FRK: variants seen among roughly 807,000 people sequenced by gnomAD.
FRK encodes tyrosine-protein kinase FRK.
Under a neutral mutation model 56.4 loss-of-function variants are expected in FRK, and 51 were observed. The ratio of observed to expected loss-of-function variants is 0.90; its 90% CI spans 0.72 to 1.14. The LOEUF is 1.14. Ranked by LOEUF, FRK falls within the 50% of genes most tolerant of loss-of-function variation. The pLI, the probability that FRK is intolerant of heterozygous loss-of-function variation, is 0.00. For missense variants in FRK, 570 were observed against 601.4 expected, an observed-to-expected ratio of 0.95 and a Z score of 0.55; for synonymous variants, 245 against 217.9, an observed-to-expected ratio of 1.12 and a Z score of -1.10.
intron 2 of FRK, among the ~76,000 whole-genome samples, chr6:115,995,077 G>A (rs1257863873): frequency 1.3e-5 from 2 of 152,126 alleles, no homozygotes; most frequent in Admixed American, 1.3e-4. Flanking sequence ...CTGATGCGTA[G>A]GTCAAAATCT....
At chr6:116,044,026 C>T (rs1032088096) in intron 1 of FRK, among the ~76,000 whole-genome samples, 10 of 152,144 alleles carry the variant, frequency 6.6e-5, no homozygotes, top group South Asian at 4.1e-4. Context: ...CCTCCCAAGT[C>T]GAAACCAGAA....
At chr6:116,026,882 G>A (rs1438643821) in intron 1 of FRK, among the ~76,000 whole-genome samples, 1 of 152,138 alleles carries the variant, frequency 6.6e-6, no homozygotes, top group African/African-American at 2.4e-5. Context: ...GAATAGTGGA[G>A]AAAGATGTGT....
At chr6:116,070,501 C>T in the FRK span, among the ~76,000 whole-genome samples, 4 of 152,076 alleles carry the variant, frequency 2.6e-5, no homozygotes, top group African/African-American at 9.7e-5. Flanking sequence ...ATTATGATGT[C>T]CACAAATCAT....
the FRK span, among the ~76,000 whole-genome samples, chr6:116,086,107 G>A: frequency 1.3e-5 from 2 of 151,632 alleles, no homozygotes; most frequent in Non-Finnish European, 2.9e-5. Flanking sequence ...CCGAGTTCAC[G>A]CCATTCTCCT....
chr6:116,035,693 C>T lies in FRK; in HGVS notation c.344+24275G>A, dbSNP rs1176429033. 2.0e-5 allele frequency among the ~76,000 whole-genome samples: 3 copies of T among 152,090 alleles called. No individual in the cohort carries two copies. In the East Asian group the frequency reaches 5.8e-4, roughly 29 times the overall value. ...CTATTCCTTAAAATCAAACTATCAA[C>T]TCATTGGCTTATTAGTAGAATTAAT... On this transcript the variant is annotated intron_variant, in intron 1 of 7. Coordinates refer to ENST00000606080, the MANE Select transcript of FRK (RefSeq NM_002031.3).
chr6:115,990,754 G>A (rs1774569255), intron 2 of FRK, among the ~76,000 whole-genome samples: 1 of 151,736 alleles, frequency 6.6e-6, no homozygotes, highest in Non-Finnish European at 1.5e-5. Flanking sequence ...TTGGCTATTT[G>A]TGCTCTTTTT....
intron 1 of FRK, among the ~76,000 whole-genome samples, chr6:116,057,151 T>A (rs937604518): frequency 6.6e-6 from 1 of 152,220 alleles, no homozygotes; most frequent in African/African-American, 2.4e-5. Context: ...TAATTAGGAA[T>A]TAGATGACAG....
intron 1 of FRK, among the ~76,000 whole-genome samples, chr6:116,042,782 C>T (rs1207702219): frequency 6.6e-6 from 1 of 152,062 alleles, no homozygotes; most frequent in African/African-American, 2.4e-5. Flanking sequence ...CTAAAAGACA[C>T]AGACTGGCAA....
intron 5 of FRK, among the ~76,000 whole-genome samples, chr6:115,951,120 T>A (rs1772731685): frequency 1.3e-5 from 2 of 152,344 alleles, no homozygotes; most frequent in Middle Eastern, 6.8e-3. Context: ...TATACCTATG[T>A]AACAGAACTG....
At chr6:115,951,220 A>T (rs923932370) in intron 5 of FRK, among the ~76,000 whole-genome samples, 3 of 152,198 alleles carry the variant, frequency 2.0e-5, no homozygotes, top group African/African-American at 4.8e-5. Flanking sequence ...ATATTTATAA[A>T]AGACTTAGAA....
chr6:115,981,608 G>C (rs572165747), intron 2 of FRK, among the ~76,000 whole-genome samples: 1 of 152,066 alleles, frequency 6.6e-6, no homozygotes, highest in African/African-American at 2.4e-5. Context: ...AAAATCTCAG[G>C]ACTCAATTCC....
In FRK at chr6:115,941,931, G is replaced by GA. The variant is rs201649172; in HGVS notation, c.*482dup. On this transcript the variant is annotated 3_prime_UTR_variant, in exon 8 of 8. Transcript: ENST00000606080. ...ATTGTAGTTACAGGATATTTTAAAA[G>GA]AGAAAAAAAAATCTCAAAGCACAGG... 1,382 of 153,354 alleles carry GA rather than the reference G, an allele frequency of 9.0e-3. 13 individuals are homozygous for GA. Among genetic ancestry groups the GA allele is most frequent in the Middle Eastern group, 0.02 (6 of 294 alleles). The allele number at this position is 153,354 out of a possible 1,614,324, so 9.5% of individuals were successfully genotyped here.
At chr6:115,968,392 T>A (rs1773668686) in intron 3 of FRK, among the ~76,000 whole-genome samples, 184 bp downstream of exon 3, 1 of 152,104 alleles carries the variant, frequency 6.6e-6, no homozygotes, top group South Asian at 2.1e-4. Flanking sequence ...TCTGTGCAAA[T>A]AAAACTTATT....
intron 1 of FRK, among the ~76,000 whole-genome samples, chr6:116,035,156 T>C (rs1776429186): frequency 6.6e-6 from 1 of 152,006 alleles, no homozygotes; most frequent in African/African-American, 2.4e-5. Context: ...TGCTATATAG[T>C]AGAGATTCGT....
rs1334436120 is a variant in FRK, at chr6:116,003,911, T to C, written c.432A>G (p.Glu144=). Residue 144 remains glutamate, a synonymous_variant, in exon 2 of 8, where the codon GAA becomes GAG. Coordinates refer to ENST00000606080, the MANE Select transcript of FRK (RefSeq NM_002031.3). ...AGAATTCTCCTTTTTGGCTTTCACT[T>C]TCTCTGATTAGAAAGGAACCGGTCT... The part of the protein sequence containing the change: ...ENKTGSFLIR[E]SESQKGEFSL... 3.7e-6 allele frequency: 6 copies of C among 1,613,586 alleles called. No homozygotes were observed. The highest frequency in any genetic ancestry group is 1.3e-5 in the African/African-American group (1 of 74,916).
At chr6:115,994,364 T>C (rs1774754456) in intron 2 of FRK, among the ~76,000 whole-genome samples, 1 of 139,964 alleles carries the variant, frequency 7.1e-6, no homozygotes, top group African/African-American at 2.6e-5. Context: ...TACTCATCTT[T>C]GAATGAAAAG....
intron 1 of FRK, among the ~76,000 whole-genome samples, chr6:116,023,179 CTCTCATATGTAAAG>C (rs1341316486): frequency 1.3e-5 from 2 of 152,178 alleles, no homozygotes; most frequent in Non-Finnish European, 2.9e-5. Flanking sequence ...TGTGGAGCAT[CTCTCATATGTAAAG>C]TCAAAATAGT....
chr6:115,953,444 C>T (rs1430827640), intron 5 of FRK, among the ~76,000 whole-genome samples: 1 of 152,064 alleles, frequency 6.6e-6, no homozygotes, highest in African/African-American at 2.4e-5. Context: ...CCGCCTCGGC[C>T]TCCCAAAGTG....
upstream of FRK, among the ~76,000 whole-genome samples, chr6:116,061,393 T>C (rs1487928165): frequency 2.4e-5 from 3 of 126,146 alleles, no homozygotes; most frequent in South Asian, 6.0e-4. Flanking sequence ...CAAGTACTAT[T>C]TGGGAAACAC....
Sources: gnomAD v4.1 joint callset for allele counts (sites outside exome capture counted in the v4.1 genomes callset) on GRCh38, gnomAD v4.1.1 for gene constraint, MANE v1.5 for transcripts, NCBI Gene and HGNC (gene_info 2026-07-23, HGNC 2026-07-21) for gene names.